The following MAP4 variants were observed in gnomAD, a reference collection of about 807,000 sequenced individuals.
The protein encoded by MAP4 is microtubule-associated protein 4.
A neutral mutation model predicts 170.2 loss-of-function variants in MAP4; 76 were observed. The observed-to-expected ratio is 0.45, with a 90% CI of 0.37 to 0.54. The LOEUF (loss-of-function observed/expected upper bound fraction) is 0.54, where lower values mean the gene tolerates loss of function less well. Among genes scored for constraint, MAP4 ranks in the 20% least tolerant of loss-of-function variants. The probability of loss-of-function intolerance (pLI) is 0.00; values close to 1 mark genes in which losing one functional copy is unlikely to be tolerated. For missense variants in MAP4, 2,506 were observed against 2,748.0 expected (o/e 0.91, Z 1.97); for synonymous variants, 909 against 994.5 (o/e 0.91, Z 1.62).
chr3:47,877,138 A>G (rs935261205), intron 11 of MAP4: 1 of 283,494 alleles, frequency 3.5e-6, no homozygotes, highest in South Asian at 4.2e-5. Context: ...TGGCCTCCCA[A>G]AGTGCTGAGA....
chr3:47,972,977 G>C, intron 3 of MAP4: 1 of 964,874 alleles, frequency 1.0e-6, no homozygotes, highest in Non-Finnish European at 1.2e-6. Flanking sequence ...GGTGGGATTA[G>C]AAGCTATATT....
intron 4 of MAP4, 139 bp from the exon 5 acceptor site, chr3:47,922,017 G>T (rs2100043187): frequency 3.6e-6 from 2 of 553,972 alleles, no homozygotes; most frequent in Non-Finnish European, 6.4e-6. Context: ...GTGCCATCTT[G>T]GTTCACTGCA....
At chr3:48,058,238 T>G (rs1229860092) in intron 1 of MAP4, among the ~76,000 whole-genome samples, 1 of 152,220 alleles carries the variant, frequency 6.6e-6, no homozygotes, top group East Asian at 1.9e-4. Context: ...CTACAATGAC[T>G]TAGATATTAC....
At chr3:47,896,429 T>G (rs2153210126) in intron 10 of MAP4, among the ~76,000 whole-genome samples, 1 of 152,226 alleles carries the variant, frequency 6.6e-6, no homozygotes, top group East Asian at 1.9e-4. Context: ...CTCGGGAGGC[T>G]GAGGCAGGAG....
intron 12 of MAP4, 72 bp from the exon 13 acceptor site, chr3:47,872,172 T>G: frequency 7.5e-7 from 1 of 1,335,498 alleles, no homozygotes; most frequent in Non-Finnish European, 1.0e-6. Flanking sequence ...ACAAGATGCT[T>G]CTTTTTTTGT....
rs529310775 is a variant in MAP4 at position 48,029,580 on chromosome 3, A to C, written c.-19-30701T>G. On this transcript the variant is annotated intron_variant, in intron 1 of 18. Coordinates refer to the MAP4 transcript ENST00000360240. ...CTTTATGGAAAAGGCAAGAATGCATACTGATTCCTAAGGTAGTAATCTGAA... is the reference window on the plus strand; with the variant it reads ...CTTTATGGAAAAGGCAAGAATGCATCCTGATTCCTAAGGTAGTAATCTGAA... Among the ~76,000 whole-genome samples the C allele has an allele frequency of 8.5e-5, 13 of 152,354 alleles. No homozygotes were observed. In the South Asian group the frequency reaches 2.7e-3, roughly 32 times the overall value.
In MAP4 at chr3:47,912,115, T is replaced by G. The variant is rs957926148; in HGVS notation, c.2306A>C (p.Lys769Thr). Residue 769 changes from lysine to threonine, a missense_variant, in exon 9 of 21, where the codon AAG becomes ACG. By Grantham distance (78) the Lys-to-Thr change is moderately conservative (BLOSUM62 -1). Transcript: ENST00000683076. ...WDIESTPIMM[K>T]KKKKKPKQKR... ...TTGCTTTGGTTTCTTCTTCTTTTTC[T>G]TCATCATTATTGGTGTGCTTTCTAT... The G allele has an allele frequency of 6.5e-7, 1 of 1,536,076 alleles. No homozygotes were observed. Among genetic ancestry groups the G allele is most frequent in the Non-Finnish European group, 8.7e-7 (1 of 1,146,928 alleles).
intron 1 of MAP4, among the ~76,000 whole-genome samples, chr3:48,066,655 G>A (rs771344931): frequency 4.0e-5 from 6 of 151,806 alleles, no homozygotes; most frequent in East Asian, 3.9e-4. Flanking sequence ...CAAGTATATC[G>A]CAGGACATGC....
chr3:47,975,089 C>T (rs1173991037), intron 3 of MAP4: 2 of 1,050,436 alleles, frequency 1.9e-6, no homozygotes, highest in African/African-American at 3.4e-5. Context: ...GGAAAAAGGT[C>T]AACTAAAAAT....
At chr3:48,039,518 A>C (rs577919311) in intron 1 of MAP4, 1 of 152,608 alleles carries the variant, frequency 6.6e-6, no homozygotes, top group Non-Finnish European at 1.5e-5. Flanking sequence ...GTGGGAAACT[A>C]TATCAATAAA....
intron 3 of MAP4, among the ~76,000 whole-genome samples, chr3:47,968,466 G>A (rs781244806): frequency 1.3e-5 from 2 of 152,124 alleles, no homozygotes; most frequent in African/African-American, 2.4e-5. Context: ...CAAATATGCA[G>A]AAATTAACAC....
At chr3:48,003,453 C>CAA (rs201694525) in intron 1 of MAP4, among the ~76,000 whole-genome samples, 126 of 111,858 alleles carry the variant, frequency 1.1e-3, no homozygotes, top group African/African-American at 3.7e-3. Context: ...GACTCCTTCT[C>CAA]AAAAAAAAAA....
chr3:47,877,667 C>T (rs758085837), intron 10 of MAP4, 144 bp from the exon 11 acceptor site: 11 of 555,206 alleles, frequency 2.0e-5, no homozygotes, highest in Non-Finnish European at 3.2e-5. Context: ...GAAATGTGGA[C>T]AAGCCTCCCA....
intron 1 of MAP4, among the ~76,000 whole-genome samples, chr3:48,026,420 A>T (rs1280069445): frequency 6.6e-6 from 1 of 152,228 alleles, no homozygotes; most frequent in Non-Finnish European, 1.5e-5. Context: ...CAGGACAGAG[A>T]GGTATGATTC....
intron 1 of MAP4, among the ~76,000 whole-genome samples, chr3:48,055,453 A>G (rs11491389): frequency 6.7e-6 from 1 of 149,860 alleles, no homozygotes; most frequent in Admixed American, 6.6e-5. Flanking sequence ...TGATCCGCCA[A>G]CCTCGGCCTC....
At chr3:47,877,215 G>T in intron 11 of MAP4, 1 of 512,724 alleles carries the variant, frequency 2.0e-6, no homozygotes, top group South Asian at 2.1e-5. Flanking sequence ...AGATAATAGG[G>T]TCAAAGGCTG....
intron 5 of MAP4, among the ~76,000 whole-genome samples, chr3:47,920,891 C>CCGGGCGCGGTGGT (rs1559471119): frequency 1.3e-5 from 2 of 152,162 alleles, no homozygotes; most frequent in Non-Finnish European, 2.9e-5. Flanking sequence ...GGTGCAAAGG[C>CCGGGCGCGGTGGT]TCACGCCTGT....
intron 17 of MAP4, among the ~76,000 whole-genome samples, chr3:47,865,238 C>T (rs1466140054): frequency 1.3e-5 from 2 of 152,184 alleles, no homozygotes; most frequent in Non-Finnish European, 2.9e-5. Context: ...ATGCACCACA[C>T]AACACACACA....
chr3:47,892,511 T>G (rs1410953576), intron 10 of MAP4: 5 of 1,497,844 alleles, frequency 3.3e-6, no homozygotes, highest in Non-Finnish European at 4.4e-6. Flanking sequence ...TCCACTGCTC[T>G]CCCTGCTTTC....
Sources: allele counts gnomAD v4.1 joint callset (sites outside exome capture counted in the v4.1 genomes callset), GRCh38; gene constraint gnomAD v4.1.1; transcripts MANE v1.5; gene names NCBI Gene and HGNC (gene_info 2026-07-23, HGNC 2026-07-21).